FGF14: variants seen among roughly 807,000 people sequenced by gnomAD.
The protein encoded by FGF14 is fibroblast growth factor 14.
FGF14 carries 5 observed loss-of-function variants against 25.5 expected under a neutral mutation model. The ratio of observed to expected loss-of-function variants is 0.20; its 90% confidence interval spans 0.10 to 0.41. The LOEUF (loss-of-function observed/expected upper bound fraction) is 0.41, where lower values mean the gene tolerates loss of function less well. FGF14 is among the 10% of genes least tolerant of loss of function. The probability of loss-of-function intolerance (pLI) is 1.00; values close to 1 mark genes in which losing one functional copy is unlikely to be tolerated. For synonymous variants in FGF14, 138 were observed against 118.3 expected (o/e 1.17, Z -1.08); for missense variants, 222 against 320.1 (o/e 0.69, Z 2.34).
intron 1 of FGF14, among the ~76,000 whole-genome samples, chr13:101,942,557 A>G (rs888451106): frequency 2.6e-5 from 4 of 152,188 alleles, no homozygotes; most frequent in Non-Finnish European, 5.9e-5. Flanking sequence ...TGCAAATTAT[A>G]TCTCTCTGAG....
chr13:101,913,632 CTCTT>C (rs1000327642), intron 1 of FGF14, among the ~76,000 whole-genome samples: 3 of 152,050 alleles, frequency 2.0e-5, no homozygotes, highest in African/African-American at 7.2e-5. Flanking sequence ...ATTTCTATGC[CTCTT>C]TTTTTTCTCC....
intron 3 of FGF14, among the ~76,000 whole-genome samples, chr13:101,829,277 G>A (rs1247123142): frequency 6.6e-6 from 1 of 152,016 alleles, no homozygotes; most frequent in African/African-American, 2.4e-5. Context: ...CAAAGAGCAG[G>A]GTAATATTAG....
intron 1 of FGF14, among the ~76,000 whole-genome samples, chr13:102,155,701 C>CA (rs940943513): frequency 1.8e-4 from 27 of 150,562 alleles, no homozygotes; most frequent in African/African-American, 4.2e-4. Flanking sequence ...AAAAACCCTT[C>CA]AAAAAATCAA....
chr13:101,824,800 G>A (rs1177348654), intron 3 of FGF14, among the ~76,000 whole-genome samples: 2 of 152,068 alleles, frequency 1.3e-5, no homozygotes, highest in Non-Finnish European at 1.5e-5. Flanking sequence ...GGGGCTGAAG[G>A]TTAAGTTGAT....
intron 1 of FGF14, among the ~76,000 whole-genome samples, chr13:102,151,660 G>T (rs1028268914): frequency 6.6e-6 from 1 of 151,890 alleles, no homozygotes; most frequent in African/African-American, 2.4e-5. Flanking sequence ...CACCATGCCC[G>T]GCTAATTTTT....
chr13:102,087,407 C>CCTTTTTT (rs2043958232), intron 1 of FGF14, among the ~76,000 whole-genome samples: 1 of 84,446 alleles, frequency 1.2e-5, no homozygotes, highest in Non-Finnish European at 2.2e-5. Flanking sequence ...ACTGTAATTT[C>CCTTTTTT]TTTTTTTTTT....
At chr13:102,142,909 C>T (rs534633471) in intron 1 of FGF14, among the ~76,000 whole-genome samples, 26 of 152,140 alleles carry the variant, frequency 1.7e-4, no homozygotes, top group East Asian at 9.6e-4. Flanking sequence ...AAACAACATA[C>T]GCTTTTATTC....
chr13:102,227,751 T>G (rs958836963), intron 1 of FGF14, among the ~76,000 whole-genome samples: 1 of 152,128 alleles, frequency 6.6e-6, no homozygotes, highest in Non-Finnish European at 1.5e-5. Context: ...ATACTAAGTA[T>G]GAAAGAAGGA....
rs1449799645 is a variant in FGF14 at position 101,742,009 on chromosome 13, G to T, written c.409-15199C>A. ...CAGGTGAGGGGTCAGGAAGTGGCTA[G>T]AGTTAGAGATCAATAAATATGAATG... On this transcript the variant is annotated intron_variant, in intron 3 of 4. Coordinates refer to ENST00000376143, the MANE Select transcript of FGF14 (RefSeq NM_004115.4). Among the ~76,000 whole-genome samples the T allele has an allele frequency of 2.0e-5, 3 of 152,160 alleles. No homozygotes were observed. In the East Asian group the frequency reaches 5.8e-4, roughly 29 times the overall value.
intron 1 of FGF14, among the ~76,000 whole-genome samples, chr13:101,892,346 A>G (rs2029880864): frequency 6.6e-6 from 1 of 152,168 alleles, no homozygotes. Flanking sequence ...AATAGGCCTC[A>G]TCCTTATTGT....
rs2281991 is a variant in FGF14, at chr13:101,714,475, A to C, written c.*8356T>G. ...GTGGGAAGTGCATTTGTTCTGCTGA[A>C]GAGTGGTATATTTCTGGGGAGTTCT... On this transcript the variant is annotated 3_prime_UTR_variant, in exon 5 of 5. Coordinates refer to ENST00000376143, the MANE Select transcript of FGF14 (RefSeq NM_004115.4). The C allele has an allele frequency of 6.2e-7, 1 of 1,611,664 alleles. No homozygotes were observed. The highest frequency in any genetic ancestry group is 1.1e-5 in the South Asian group (1 of 90,986).
intron 1 of FGF14, among the ~76,000 whole-genome samples, chr13:101,981,555 A>G (rs1055811213): frequency 6.6e-6 from 1 of 152,200 alleles, no homozygotes; most frequent in African/African-American, 2.4e-5. Flanking sequence ...CCTAACCAAC[A>G]TACTAGTAAA....
chr13:101,851,185 G>A (rs1236805871), intron 3 of FGF14, among the ~76,000 whole-genome samples: 1 of 151,912 alleles, frequency 6.6e-6, no homozygotes, highest in East Asian at 1.9e-4. Flanking sequence ...TTATAAAGAG[G>A]GACAATGAAC....
chr13:101,983,328 C>T (rs1438432241), intron 1 of FGF14, among the ~76,000 whole-genome samples: 1 of 152,134 alleles, frequency 6.6e-6, no homozygotes, highest in Non-Finnish European at 1.5e-5. Context: ...CCAATAAATA[C>T]TGAACTGTCT....
At chr13:102,102,448 AG>A (rs2140290318) in intron 1 of FGF14, among the ~76,000 whole-genome samples, 1 of 152,306 alleles carries the variant, frequency 6.6e-6, no homozygotes, top group East Asian at 1.9e-4. Flanking sequence ...AAAGTAGAAA[AG>A]CTCATGATGC....
chr13:101,812,371 T>C (rs55827556), intron 3 of FGF14, among the ~76,000 whole-genome samples: 61 of 151,654 alleles, frequency 4.0e-4, no homozygotes, highest in African/African-American at 1.4e-3. Flanking sequence ...ATCTTCATGT[T>C]CTCTAATATC....
At chr13:102,159,357 A>C (rs1427963631) in intron 1 of FGF14, among the ~76,000 whole-genome samples, 1 of 152,160 alleles carries the variant, frequency 6.6e-6, no homozygotes, top group Non-Finnish European at 1.5e-5. Flanking sequence ...CTCAAAGATG[A>C]ATCGGTTTTC....
intron 1 of FGF14, among the ~76,000 whole-genome samples, chr13:101,912,991 T>C (rs902928567): frequency 5.3e-5 from 8 of 152,184 alleles, no homozygotes; most frequent in Admixed American, 4.6e-4. Context: ...GTATACTTAA[T>C]TAATTATTAT....
intron 1 of FGF14, among the ~76,000 whole-genome samples, chr13:102,337,908 G>A (rs917943886): frequency 5.9e-5 from 9 of 152,006 alleles, no homozygotes; most frequent in Non-Finnish European, 1.3e-4. Flanking sequence ...ATGCTTTTGC[G>A]CATTTGACTG....
Sources: gnomAD v4.1 joint callset for allele counts (sites outside exome capture counted in the v4.1 genomes callset) on GRCh38, gnomAD v4.1.1 for gene constraint, MANE v1.5 for transcripts, NCBI Gene and HGNC (gene_info 2026-07-23, HGNC 2026-07-21) for gene names.